KCNB2: variants seen among roughly 807,000 people sequenced by gnomAD.
KCNB2 encodes potassium voltage-gated channel subfamily B member 2.
A neutral mutation model predicts 61.5 loss-of-function variants in KCNB2; 15 were observed. The ratio of observed to expected loss-of-function variants is 0.24; its 90% CI spans 0.16 to 0.38. KCNB2 has a LOEUF of 0.38. Ranked by LOEUF, KCNB2 falls within the 10% of genes least tolerant of loss-of-function variation. KCNB2 has a pLI of 1.00. For synonymous variants in KCNB2, 457 were observed against 446.0 expected (o/e 1.02, Z -0.31); for missense variants, 828 against 1,125.2 (o/e 0.74, Z 3.78).
At chr8:72,801,141 G>C (rs1425271516) in intron 2 of KCNB2, among the ~76,000 whole-genome samples, 1 of 152,054 alleles carries the variant, frequency 6.6e-6, no homozygotes, top group Non-Finnish European at 1.5e-5. Context: ...GAGAGGATGG[G>C]GGCAACACTA....
chr8:72,754,589 C>G (rs1051466715), intron 2 of KCNB2, among the ~76,000 whole-genome samples: 3 of 152,170 alleles, frequency 2.0e-5, no homozygotes, highest in Non-Finnish European at 2.9e-5. Flanking sequence ...TAGACCCCAG[C>G]TTTTCGGCTA....
At chr8:72,602,932 T>A (rs891803682) in intron 2 of KCNB2, among the ~76,000 whole-genome samples, 2 of 152,060 alleles carry the variant, frequency 1.3e-5, no homozygotes, top group African/African-American at 4.8e-5. Context: ...GTCAACTTAG[T>A]TTCCTTTGAG....
At chr8:72,672,423 C>T (rs1806579790) in intron 2 of KCNB2, among the ~76,000 whole-genome samples, 1 of 152,102 alleles carries the variant, frequency 6.6e-6, no homozygotes, top group African/African-American at 2.4e-5. Context: ...TATCAACATG[C>T]TAACACATCC....
chr8:72,887,454 T>G (rs1805824542), intron 2 of KCNB2, among the ~76,000 whole-genome samples: 1 of 152,202 alleles, frequency 6.6e-6, no homozygotes, highest in African/African-American at 2.4e-5. Context: ...TTTTCTTGGA[T>G]GGCCCAATTT....
chr8:72,665,103 A>G (rs1018114748), intron 2 of KCNB2, among the ~76,000 whole-genome samples: 7 of 152,190 alleles, frequency 4.6e-5, no homozygotes, highest in Non-Finnish European at 8.8e-5. Context: ...ACCGGAGGGT[A>G]TTGACTGGGG....
At chr8:72,736,246 A>G (rs931000795) in intron 2 of KCNB2, among the ~76,000 whole-genome samples, 2 of 152,078 alleles carry the variant, frequency 1.3e-5, no homozygotes, top group Non-Finnish European at 2.9e-5. Flanking sequence ...TTCAATATAT[A>G]TAACCTATTG....
intron 2 of KCNB2, among the ~76,000 whole-genome samples, chr8:72,711,636 C>G (rs1221483142): frequency 1.3e-5 from 2 of 152,180 alleles, no homozygotes; most frequent in Non-Finnish European, 2.9e-5. Context: ...GGGTTCCTGA[C>G]AGAGGGCACA....
chr8:72,918,594 G>C (rs941570624), intron 2 of KCNB2, among the ~76,000 whole-genome samples: 1 of 151,966 alleles, frequency 6.6e-6, no homozygotes, highest in Non-Finnish European at 1.5e-5. Context: ...CCCTTTTTGA[G>C]GAATTCTAAA....
At chr8:72,726,883 G>T (rs1465508515) in intron 2 of KCNB2, among the ~76,000 whole-genome samples, 1 of 152,156 alleles carries the variant, frequency 6.6e-6, no homozygotes, top group Non-Finnish European at 1.5e-5. Flanking sequence ...GAGTCTTGCT[G>T]CATGAGAACA....
chr8:72,773,631 AGTCTGCCCAAGCT>A (rs1408087579), intron 2 of KCNB2, among the ~76,000 whole-genome samples: 4 of 152,226 alleles, frequency 2.6e-5, no homozygotes, highest in African/African-American at 9.6e-5. Flanking sequence ...AGGGGCCTAA[AGTCTGCCCAAGCT>A]GTTTTTGGCT....
intron 2 of KCNB2, among the ~76,000 whole-genome samples, chr8:72,819,590 A>G (rs1052937355): frequency 2.6e-5 from 4 of 152,170 alleles, no homozygotes; most frequent in Non-Finnish European, 5.9e-5. Flanking sequence ...GAATTATAAT[A>G]ATATAATTCC....
At chr8:72,874,176 G>A (rs1303506169) in intron 2 of KCNB2, among the ~76,000 whole-genome samples, 1 of 152,124 alleles carries the variant, frequency 6.6e-6, no homozygotes, top group Non-Finnish European at 1.5e-5. Context: ...TTCTTAATTT[G>A]AGTAAGACAT....
intron 2 of KCNB2, among the ~76,000 whole-genome samples, chr8:72,769,381 A>G (rs147529546): frequency 5.1e-4 from 78 of 152,306 alleles, no homozygotes; most frequent in African/African-American, 1.8e-3. Context: ...TGAATTAACC[A>G]TAATTTCTAT....
chr8:72,847,056 A>G (rs1479079873), intron 2 of KCNB2, among the ~76,000 whole-genome samples: 2 of 152,212 alleles, frequency 1.3e-5, no homozygotes, highest in African/African-American at 4.8e-5. Context: ...GCACACATAC[A>G]CCATGGAATA....
chr8:72,560,643 T>G (rs1263042983), intron 1 of KCNB2, among the ~76,000 whole-genome samples: 1 of 152,202 alleles, frequency 6.6e-6, no homozygotes, highest in Non-Finnish European at 1.5e-5. Context: ...ACCGTCATAA[T>G]AGAAAACCCA....
At chr8:72,829,363 G>A (rs1809651189) in intron 2 of KCNB2, among the ~76,000 whole-genome samples, 1 of 152,166 alleles carries the variant, frequency 6.6e-6, no homozygotes, top group African/African-American at 2.4e-5. Flanking sequence ...AGATACACTG[G>A]ACCCAATTGA....
chr8:72,919,343 AG>A (rs1441479453), intron 2 of KCNB2, among the ~76,000 whole-genome samples: 1 of 152,146 alleles, frequency 6.6e-6, no homozygotes, highest in East Asian at 1.9e-4. Flanking sequence ...AAGAGCCCCT[AG>A]GCTCCTGAAA....
chr8:72,864,828 G>A lies in KCNB2; in HGVS notation c.580-71107G>A, dbSNP rs183008647. On this transcript the variant is annotated intron_variant, in intron 2 of 2. Transcript: ENST00000523207. ...TTGTGAAGGAATAGGAATTGCTGCC[G>A]GCCAGGCTCTATTAGAGCCCTGGTT... Among the ~76,000 whole-genome samples the A allele has an allele frequency of 5.3e-5, 8 of 152,310 alleles. No homozygotes were observed. The East Asian group carries it at 7.7e-4, about 15-fold the overall frequency.
chr8:72,754,026 C>T (rs1808245045), intron 2 of KCNB2, among the ~76,000 whole-genome samples: 1 of 152,036 alleles, frequency 6.6e-6, no homozygotes, highest in Non-Finnish European at 1.5e-5. Context: ...CAGAGTCTCC[C>T]TGGGAAAGTA....
Sources: allele counts gnomAD v4.1 joint callset (sites outside exome capture counted in the v4.1 genomes callset), GRCh38; gene constraint gnomAD v4.1.1; transcripts MANE v1.5; gene names NCBI Gene and HGNC (gene_info 2026-07-23, HGNC 2026-07-21).